The following COQ8A variants were observed in gnomAD, a reference collection of about 807,000 sequenced individuals.
COQ8A encodes coenzyme Q8A, also known as atypical kinase COQ8A, mitochondrial.
A neutral mutation model predicts 65.0 loss-of-function variants in COQ8A; 51 were observed. That is an observed-to-expected ratio of 0.78 (90% confidence interval 0.63 to 0.99). The LOEUF (loss-of-function observed/expected upper bound fraction) is 0.99, where lower values mean the gene tolerates loss of function less well. Ranked by LOEUF, COQ8A falls within the 50% of genes least tolerant of loss-of-function variation. COQ8A has a pLI of 0.00. For synonymous variants in COQ8A, 371 were observed against 353.2 expected, an observed-to-expected ratio of 1.05 and a Z score of -0.57; for missense variants, 940 against 875.0, an observed-to-expected ratio of 1.07 and a Z score of -0.94.
intron 1 of COQ8A, among the ~76,000 whole-genome samples, chr1:226,957,779 G>T (rs1657899987): frequency 6.6e-6 from 1 of 152,140 alleles, no homozygotes; most frequent in African/African-American, 2.4e-5. Flanking sequence ...AGCCCGTGGG[G>T]GTGTCTTTTG....
chr1:226,985,485 C>T, intron 14 of COQ8A, 145 bp downstream of exon 14: 1 of 849,220 alleles, frequency 1.2e-6, no homozygotes, highest in Non-Finnish European at 1.9e-6. Context: ...AAAGCTGGGG[C>T]CCACCCCGGC....
Position 226,946,095 on chromosome 1 carries a change from A to G in COQ8A, c.-10+5696A>G, listed in dbSNP as rs1380330563. On this transcript the variant is annotated intron_variant, in intron 1 of 14. Transcript: ENST00000366777. This position sits in a 1 kb window ranked among gnomAD's most constrained non-coding sequence, Gnocchi z 5.3. The stretch of plus-strand genomic sequence containing the variant: ...TGCCTCACTGACTCATAATGCTAAT[A>G]AACTCGTGTGTATGAGGACAGTGCC... Among the ~76,000 whole-genome samples, 1 of 152,118 alleles carries G rather than the reference A, an allele frequency of 6.6e-6. No homozygotes were observed. The highest frequency in any genetic ancestry group is 1.5e-5 in the Non-Finnish European group (1 of 68,028).
chr1:226,953,451 A>G (rs1657511973), intron 1 of COQ8A, among the ~76,000 whole-genome samples: 1 of 152,172 alleles, frequency 6.6e-6, no homozygotes, highest in South Asian at 2.1e-4. Flanking sequence ...ATCTGTTTTT[A>G]GGGAGATGTA....
chr1:226,974,681 G>A lies in COQ8A; in HGVS notation c.656-2768G>A, dbSNP rs368706403. Among the ~76,000 whole-genome samples the A allele has an allele frequency of 5.3e-4, 81 of 152,316 alleles. No individual in the cohort carries two copies. The East Asian group carries it at 0.01, about 19-fold the overall frequency. ...GCAGGAGCTCGTGAGGCCAAGGTCA[G>A]GGTTGCTGGCCAGCTGGGCTGGTTT... is the stretch of plus-strand genomic sequence containing the variant. On this transcript the variant is annotated intron_variant, in intron 4 of 14. Transcript: ENST00000366777.
chr1:226,980,356 C>T (rs533941363), intron 5 of COQ8A, among the ~76,000 whole-genome samples: 1 of 152,344 alleles, frequency 6.6e-6, no homozygotes, highest in South Asian at 2.1e-4. Flanking sequence ...GGCCAGGCAC[C>T]GTTCCCATCT....
Position 226,965,285 on chromosome 1 carries a change from G to A in COQ8A, c.463G>A (p.Ala155Thr). ...TGCAAACCCCAGAGACTCATTCTCT[G>A]CCATGGGCTTTCAGCGAAGGTTCTT... ...LFANPRDSFS[A>T]MGFQRRFFHQ... Residue 155 changes from alanine (A) to threonine (T), a missense_variant, in exon 3 of 15, where the codon GCC (alanine) becomes ACC (threonine). Ala to Thr is a moderately conservative substitution (Grantham distance 58, BLOSUM62 0). Coordinates refer to ENST00000366777, the MANE Select transcript of COQ8A (RefSeq NM_020247.5). 6.2e-7 allele frequency: 1 copy of A among 1,613,980 alleles called. No homozygotes were observed. Among genetic ancestry groups the A allele is most frequent in the Non-Finnish European group, 8.5e-7 (1 of 1,180,018 alleles).
At chr1:226,976,320 CGGGCTGCG>C (rs1326319981) in intron 4 of COQ8A, among the ~76,000 whole-genome samples, 19 of 117,512 alleles carry the variant, frequency 1.6e-4, no homozygotes, top group Non-Finnish European at 1.1e-4. Context: ...GCGATGTTGC[CGGGCTGCG>C]GGGCTGCGGG....
At chr1:226,982,601 C>T in intron 6 of COQ8A, 77 bp from the exon 7 acceptor site, 1 of 1,498,210 alleles carries the variant, frequency 6.7e-7, no homozygotes, top group Admixed American at 1.7e-5. Flanking sequence ...CAGGGCATCC[C>T]AGGAGTGTGC....
intron 2 of COQ8A, among the ~76,000 whole-genome samples, chr1:226,964,241 T>C (rs1658425001): frequency 1.3e-5 from 2 of 152,230 alleles, no homozygotes; most frequent in African/African-American, 4.8e-5. Flanking sequence ...TGCTGTTTCC[T>C]GGCCCTGTCT....
At chr1:226,974,527 A>C (rs987714651) in intron 4 of COQ8A, among the ~76,000 whole-genome samples, 2 of 152,124 alleles carry the variant, frequency 1.3e-5, no homozygotes, top group African/African-American at 2.4e-5. Flanking sequence ...GTGCCGGCTG[A>C]GGTGCTCATC....
At chr1:226,976,183 C>T (rs374591374) in intron 4 of COQ8A, among the ~76,000 whole-genome samples, 903 of 6,190 alleles carry the variant, frequency 0.15, 12 homozygotes, top group African/African-American at 0.21. Context: ...TGCGGGGCTG[C>T]GGGACTGCGG....
At chr1:226,968,620 A>T (rs1386400718) in intron 4 of COQ8A, among the ~76,000 whole-genome samples, 1 of 152,042 alleles carries the variant, frequency 6.6e-6, no homozygotes, top group African/African-American at 2.4e-5. Flanking sequence ...AGACTTTAGG[A>T]AGTTTTTACA....
Position 226,986,670 on chromosome 1 carries a change from G to A in COQ8A, c.1877G>A (p.Arg626His), listed in dbSNP as rs749400284. The A allele has an allele frequency of 5.6e-5, 91 of 1,613,952 alleles. No individual in the cohort carries two copies. Among genetic ancestry groups the A allele is most frequent in the Middle Eastern group, 1.6e-4 (1 of 6,084 alleles). ...CTCATCTGCTCCAAGCTGAAGGCCC[G>A]CTTCCCCTGCAAGGCCATGTTCGAG... ...SFLICSKLKA[R>H]FPCKAMFEEA... The change falls in exon 15 of 15, where the codon CGC (arginine) becomes CAC (histidine). Residue 626 changes from arginine (R) to histidine (H), a missense_variant. By Grantham distance (29) the Arg-to-His change is conservative. Coordinates refer to ENST00000366777, the MANE Select transcript of COQ8A (RefSeq NM_020247.5).
At chr1:226,977,784 C>A (rs1220769639) in intron 5 of COQ8A, among the ~76,000 whole-genome samples, 4 of 151,980 alleles carry the variant, frequency 2.6e-5, no homozygotes, top group Non-Finnish European at 5.9e-5. Flanking sequence ...GCCTGCACAT[C>A]CACACGCCTT....
At chr1:226,986,420 TCGC>T (rs748427570) in intron 14 of COQ8A, 30 bp from the exon 15 acceptor site, 2 of 1,607,758 alleles carry the variant, frequency 1.2e-6, no homozygotes, top group East Asian at 2.2e-5. Flanking sequence ...CTCTGGTGTC[TCGC>T]CGCCATTTAT....
rs1401139343 is a variant in COQ8A, at chr1:226,965,494, C to T, written c.588+84C>T. 2.6e-6 allele frequency: 4 copies of T among 1,561,478 alleles called. No individual in the cohort carries two copies. The African/African-American group carries it at 5.4e-5, about 21-fold the overall frequency. ...TTGGGCTCTGCTCTAGGGACTTTTC[C>T]TGGGTGCTGTGGTCTGGGGTTTTTA... is the stretch of plus-strand genomic sequence containing the variant. On this transcript the variant is annotated intron_variant, in intron 3 of 14. Coordinates refer to ENST00000366777, the MANE Select transcript of COQ8A (RefSeq NM_020247.5).
intron 1 of COQ8A, among the ~76,000 whole-genome samples, chr1:226,957,006 T>G (rs181936878): frequency 0.018 from 2,367 of 132,942 alleles, 146 homozygotes; most frequent in African/African-American, 0.069. Flanking sequence ...TGGTTCACAC[T>G]CTCCCTGGCT....
chr1:226,964,621 C>T (rs944225127), intron 2 of COQ8A, among the ~76,000 whole-genome samples: 2 of 148,204 alleles, frequency 1.3e-5, no homozygotes, highest in African/African-American at 4.9e-5. Context: ...TGTGTGTTCA[C>T]CTCTCAGAGC....
chr1:226,984,847 CA>C, intron 12 of COQ8A, 28 bp from the exon 13 acceptor site: 1 of 1,613,134 alleles, frequency 6.2e-7, no homozygotes, highest in Non-Finnish European at 8.5e-7. Flanking sequence ...GCACCAGGGC[CA>C]AACTTCTCCT....
Sources: allele counts gnomAD v4.1 joint callset (sites outside exome capture counted in the v4.1 genomes callset), GRCh38; gene constraint gnomAD v4.1.1; non-coding constraint Gnocchi (gnomAD v3.1); transcripts MANE v1.5; gene names NCBI Gene and HGNC (gene_info 2026-07-23, HGNC 2026-07-21).